KAZN: variants seen among roughly 807,000 people sequenced by gnomAD.
KAZN encodes kazrin.
Under a neutral mutation model 87.4 loss-of-function variants are expected in KAZN, and 40 were observed. The ratio of observed to expected loss-of-function variants is 0.46; its 90% CI spans 0.36 to 0.60. The LOEUF (loss-of-function observed/expected upper bound fraction) is 0.60, where lower values mean the gene tolerates loss of function less well. Among genes scored for constraint, KAZN ranks in the 20% least tolerant of loss-of-function variants. The probability of loss-of-function intolerance (pLI) is 0.00; values close to 1 mark genes in which losing one functional copy is unlikely to be tolerated. For missense variants in KAZN, 898 were observed against 1,073.9 expected, an observed-to-expected ratio of 0.84 and a Z score of 2.29; for synonymous variants, 466 against 458.3, an observed-to-expected ratio of 1.02 and a Z score of -0.22.
At chr1:14,420,410 G>A (rs947535748) in intron 2 of KAZN, among the ~76,000 whole-genome samples, 3 of 152,182 alleles carry the variant, frequency 2.0e-5, no homozygotes, top group African/African-American at 7.2e-5. Context: ...CGACTCAGGG[G>A]CCCAGCTGGC....
intron 2 of KAZN, among the ~76,000 whole-genome samples, chr1:14,570,134 T>G (rs1674777222): frequency 6.6e-6 from 1 of 152,060 alleles, no homozygotes; most frequent in Non-Finnish European, 1.5e-5. Context: ...TAATAAAAAA[T>G]TTTTAAAAAT....
intron 1 of KAZN, among the ~76,000 whole-genome samples, chr1:14,732,874 T>C (rs552691073): frequency 1.1e-3 from 172 of 152,138 alleles, no homozygotes; most frequent in Non-Finnish European, 2.0e-3. Flanking sequence ...ACCTGCCCTG[T>C]GGCACACTCA....
chr1:14,585,899 T>C (rs1675823449), intron 2 of KAZN, among the ~76,000 whole-genome samples: 1 of 152,018 alleles, frequency 6.6e-6, no homozygotes, highest in African/African-American at 2.4e-5. Flanking sequence ...TACAGCAGAG[T>C]CAGCTGAACC....
intron 1 of KAZN, among the ~76,000 whole-genome samples, chr1:14,174,176 G>A (rs905231969): frequency 6.6e-6 from 1 of 152,196 alleles, no homozygotes; most frequent in African/African-American, 2.4e-5. Flanking sequence ...AGGATTTGGG[G>A]GCTGGCGAAA....
chr1:14,776,933 CAAAAA>C lies in KAZN; in HGVS notation c.226+177728_226+177732del, dbSNP rs56275592. Reference sequence around the variant, plus strand: ...TGAGCAACTGAGCAATACCCTGTCTCAAAAAAAAAAAAAAAAAAAAAAGAGACGTC... The same window carrying C: ...TGAGCAACTGAGCAATACCCTGTCTCAAAAAAAAAAAAAAAAAGAGACGTC... On this transcript the variant is annotated intron_variant, in intron 1 of 14. Coordinates refer to ENST00000376030, the MANE Select transcript of KAZN (RefSeq NM_201628.3). Among the ~76,000 whole-genome samples the C allele has an allele frequency of 4.2e-3, 478 of 113,092 alleles. 3 individuals are homozygous for C. Among genetic ancestry groups the C allele is most frequent in the African/African-American group, 0.014 (397 of 28,816 alleles). The allele number at this position is 113,092 out of a possible 152,430, so 74.2% of individuals were successfully genotyped here.
chr1:14,641,332 A>G (rs771193031), intron 1 of KAZN, among the ~76,000 whole-genome samples: 7 of 152,220 alleles, frequency 4.6e-5, no homozygotes, highest in Non-Finnish European at 7.3e-5. Context: ...TTCATGAGAT[A>G]TCCCTGCATC....
intron 1 of KAZN, among the ~76,000 whole-genome samples, chr1:14,147,329 G>A (rs1422870566): frequency 6.6e-6 from 1 of 152,112 alleles, no homozygotes; most frequent in East Asian, 1.9e-4. Context: ...AAGAATGCAG[G>A]CCATGGACCC....
intron 2 of KAZN, among the ~76,000 whole-genome samples, chr1:14,285,864 C>G (rs1413547226): frequency 2.0e-5 from 3 of 152,182 alleles, no homozygotes; most frequent in Non-Finnish European, 2.9e-5. Flanking sequence ...CAAGAGCTGA[C>G]TTGGAGTCAG....
intron 2 of KAZN, among the ~76,000 whole-genome samples, chr1:15,030,615 G>T (rs550651105): frequency 2.0e-5 from 3 of 152,190 alleles, no homozygotes; most frequent in African/African-American, 4.8e-5. Context: ...CAATGTGGTC[G>T]CATCATGTTA....
rs186551496 is a variant in KAZN at position 14,181,410 on chromosome 1, G to A, written c.249+818G>A. On this transcript the variant is annotated intron_variant, in intron 2 of 16. Transcript: ENST00000636203. ...AATGGTTGGTGGTTTCTTTCATTCC[G>A]CTCTGTAGCAGAGATTTTGAACTGT... 1.3e-3 allele frequency among the ~76,000 whole-genome samples: 196 copies of A among 152,274 alleles called. 1 individual carries two copies. Among genetic ancestry groups the A allele is most frequent in the African/African-American group, 4.5e-3 (185 of 41,572 alleles).
chr1:15,067,346 G>A (rs1435106691), intron 8 of KAZN: 3 of 985,374 alleles, frequency 3.0e-6, no homozygotes, highest in South Asian at 4.7e-5. Context: ...ACAAGAGCTG[G>A]CAGGAACATC....
intron 1 of KAZN, among the ~76,000 whole-genome samples, chr1:14,606,111 T>C (rs1184422792): frequency 1.3e-5 from 2 of 152,232 alleles, no homozygotes; most frequent in Admixed American, 1.3e-4. Context: ...GGCTCTAGAG[T>C]CTGTGTTCTT....
chr1:15,035,818 C>T (rs1264541149), intron 3 of KAZN, among the ~76,000 whole-genome samples: 1 of 152,138 alleles, frequency 6.6e-6, no homozygotes, highest in Non-Finnish European at 1.5e-5. Context: ...CAGCCTCGAG[C>T]TGAATGCACT....
intron 1 of KAZN, among the ~76,000 whole-genome samples, chr1:14,059,185 T>C (rs1375034490): frequency 2.6e-5 from 4 of 152,152 alleles, no homozygotes; most frequent in Non-Finnish European, 5.9e-5. Context: ...TAAGGGAGAA[T>C]TGGCTCACAC....
intron 2 of KAZN, among the ~76,000 whole-genome samples, chr1:14,357,164 G>T (rs1414632783): frequency 6.6e-6 from 1 of 152,092 alleles, no homozygotes; most frequent in Non-Finnish European, 1.5e-5. Flanking sequence ...GGATTTCTAG[G>T]TATTTTATTC....
intron 1 of KAZN, among the ~76,000 whole-genome samples, chr1:14,041,288 T>A (rs1641829813): frequency 6.6e-6 from 1 of 152,254 alleles, no homozygotes; most frequent in Admixed American, 6.5e-5. Flanking sequence ...TTGTAATTAC[T>A]ATTGTTTCCA....
At chr1:14,549,038 C>T (rs1287915877) in intron 2 of KAZN, among the ~76,000 whole-genome samples, 1 of 152,152 alleles carries the variant, frequency 6.6e-6, no homozygotes, top group Non-Finnish European at 1.5e-5. Flanking sequence ...TGTTGCTATC[C>T]TAAACAGTTG....
At chr1:14,951,925 CA>C (rs1191857365) in intron 1 of KAZN, among the ~76,000 whole-genome samples, 1 of 152,192 alleles carries the variant, frequency 6.6e-6, no homozygotes, top group African/African-American at 2.4e-5. Flanking sequence ...GGAGCACTCA[CA>C]ACCTCCTAGG....
rs552686254 is a variant in KAZN at position 14,403,851 on chromosome 1, A to G, written c.250-195132A>G. ...TACCCAACATTCATTGCCTCATACC[A>G]AGGAAATCAAGGATGCAGACACACT... On this transcript the variant is annotated intron_variant, in intron 2 of 16. Coordinates refer to the KAZN transcript ENST00000636203. 2.6e-5 allele frequency among the ~76,000 whole-genome samples: 4 copies of G among 152,320 alleles called. No homozygotes were observed. The South Asian group carries it at 8.3e-4, about 32-fold the overall frequency.
Sources: gnomAD v4.1 joint callset for allele counts (sites outside exome capture counted in the v4.1 genomes callset) on GRCh38, gnomAD v4.1.1 for gene constraint, MANE v1.5 for transcripts, NCBI Gene and HGNC (gene_info 2026-07-23, HGNC 2026-07-21) for gene names.